Variants in THBS2 observed in about 807,000 individuals in gnomAD.
THBS2 encodes the protein thrombospondin 2.
In THBS2, 47 loss-of-function variants were observed where a neutral mutation model predicts 135.2. The observed-to-expected ratio is 0.35, with a 90% CI of 0.28 to 0.44. The LOEUF is 0.44. Among genes scored for constraint, THBS2 ranks in the 20% least tolerant of loss-of-function variants. The probability of loss-of-function intolerance (pLI) is 1.00; values close to 1 mark genes in which losing one functional copy is unlikely to be tolerated. For synonymous variants in THBS2, 639 were observed against 633.8 expected (o/e 1.01, Z -0.12); for missense variants, 1,288 against 1,603.1 (o/e 0.80, Z 3.36).
chr6:169,247,732 A>G (rs1464944472), intron 3 of THBS2, among the ~76,000 whole-genome samples: 1 of 151,836 alleles, frequency 6.6e-6, no homozygotes, highest in Non-Finnish European at 1.5e-5. Context: ...GCACATGTGC[A>G]TGCATGAGTG....
intron 10 of THBS2, among the ~76,000 whole-genome samples, chr6:169,233,580 C>T (rs1014048657): frequency 6.5e-5 from 9 of 138,918 alleles, no homozygotes; most frequent in African/African-American, 1.9e-4. Flanking sequence ...ACTACCCATG[C>T]GTCACTTTCC....
intron 13 of THBS2, among the ~76,000 whole-genome samples, chr6:169,231,105 G>A (rs982511132): frequency 2.0e-5 from 3 of 152,130 alleles, no homozygotes; most frequent in African/African-American, 7.2e-5. Flanking sequence ...GGCGCCCGGG[G>A]ATGTCACCTG....
chr6:169,231,657 C>T (rs1243030961), intron 13 of THBS2, among the ~76,000 whole-genome samples: 1 of 152,250 alleles, frequency 6.6e-6, no homozygotes, highest in Non-Finnish European at 1.5e-5. Context: ...CTCTGCACAG[C>T]CTGGAGCCGA....
At chr6:169,244,818 T>C (rs945273474) in intron 4 of THBS2, among the ~76,000 whole-genome samples, 2 of 151,892 alleles carry the variant, frequency 1.3e-5, no homozygotes, top group African/African-American at 4.8e-5. Flanking sequence ...ACAGTGAGGG[T>C]CGTGGTGGGG....
chr6:169,246,699 C>G (rs1274030367), intron 3 of THBS2, among the ~76,000 whole-genome samples: 3 of 152,192 alleles, frequency 2.0e-5, no homozygotes, highest in African/African-American at 7.2e-5. Flanking sequence ...CTCAGAGACA[C>G]AGACCCTGGG....
chr6:169,249,049 C>A, intron 2 of THBS2, 76 bp from the exon 3 acceptor site: 1 of 1,390,982 alleles, frequency 7.2e-7, no homozygotes, highest in Non-Finnish European at 9.7e-7. Flanking sequence ...GGTGACAAAC[C>A]AGAACCTCGC....
intron 14 of THBS2, among the ~76,000 whole-genome samples, 161 bp downstream of exon 14, chr6:169,229,411 A>G (rs1047636806): frequency 8.5e-5 from 13 of 152,238 alleles, no homozygotes; most frequent in African/African-American, 2.9e-4. Context: ...CCGCTTTTGC[A>G]AAGGACTGTC....
Position 169,253,831 on chromosome 6 carries a change from T to G in THBS2, c.-130A>C, listed in dbSNP as rs1308300830. 6.6e-6 allele frequency: 1 copy of G among 152,252 alleles called. No homozygotes were observed. The highest frequency in any genetic ancestry group is 2.4e-5 in the African/African-American group (1 of 41,456). The allele number at this position is 152,252 out of a possible 1,614,324, so 9.4% of individuals were successfully genotyped here. A position where few individuals can be genotyped will look rare whatever the true frequency, so the allele number is the denominator to read the frequency against. On this transcript the variant is annotated 5_prime_UTR_variant, in exon 1 of 22. Coordinates refer to ENST00000617924, the MANE Select transcript of THBS2 (RefSeq NM_003247.5). Reference sequence around the variant, plus strand: ...AGACCGGCCCTGCAGTGCAGGATGCTCCGGTGGACGTGGCCGAGCGGCTCC... The same window carrying G: ...AGACCGGCCCTGCAGTGCAGGATGCGCCGGTGGACGTGGCCGAGCGGCTCC...
chr6:169,221,572 C>T, intron 19 of THBS2, 45 bp from the exon 20 acceptor site: 7 of 1,574,784 alleles, frequency 4.4e-6, no homozygotes, highest in Non-Finnish European at 6.1e-6. Flanking sequence ...GCACCCGGAG[C>T]CTTAACCACA....
At chr6:169,219,282 ATG>A in intron 21 of THBS2, among the ~76,000 whole-genome samples, 1 of 120,522 alleles carries the variant, frequency 8.3e-6, no homozygotes, top group African/African-American at 3.2e-5. Context: ...GGATGGATGG[ATG>A]AGATAGTTGG....
At chr6:169,233,082 C>G in intron 10 of THBS2, 65 bp from the exon 11 acceptor site, 1 of 1,439,496 alleles carries the variant, frequency 6.9e-7, no homozygotes, top group Non-Finnish European at 9.1e-7. Flanking sequence ...GAAGCCCGCC[C>G]TGTGGGCCGT....
At position 169,233,610 on chromosome 6, in the gene THBS2, G is replaced by A. The variant is rs575481012; in HGVS notation, c.1652-593C>T. 6.0e-5 allele frequency among the ~76,000 whole-genome samples: 8 copies of A among 132,386 alleles called. No individual in the cohort carries two copies. The East Asian group carries it at 1.1e-3, about 18-fold the overall frequency. 86.9% of individuals were successfully genotyped at this position (132,386 alleles called of 152,430 possible). A position where few individuals can be genotyped will look rare whatever the true frequency, so the allele number is the denominator to read the frequency against. ...CTTTCCACACCACACAAATACCTAC[G>A]TGCCATGTTCCAGACCACACAGCTG... On this transcript the variant is annotated intron_variant, in intron 10 of 21. Transcript: ENST00000617924.
rs1032297854 is a variant in THBS2 at position 169,237,687 on chromosome 6, TTGC to T, written c.1235_1237del (p.Ser412del). 1 of 1,612,834 alleles carries T rather than the reference TTGC, an allele frequency of 6.2e-7. No individual in the cohort carries two copies. Among genetic ancestry groups the T allele is most frequent in the African/African-American group, 1.3e-5 (1 of 74,898 alleles). The stretch of plus-strand genomic sequence containing the variant: ...CTGGATGGAGGGCCCCAAGCAGGTG[TTGC>T]TGGTGACGTCACAGGACCGGCCTCT... On this transcript the variant is annotated inframe_deletion, in exon 8 of 22. Transcript: ENST00000617924.
chr6:169,223,457 A>T lies in THBS2; in HGVS notation c.2792T>A (p.Ile931Asn), dbSNP rs114156352. ...EDLDGDGRGDICKDDFDNDNI... is the reference protein window; with the variant it reads ...EDLDGDGRGDNCKDDFDNDNI... ...GTCATTGTCAAAATCATCTTTACAA[A>T]TATCACCCCGTCCATCACCTATGCA... The change falls in exon 18 of 22, where the codon ATT (isoleucine) becomes AAT (asparagine). Residue 931 changes from isoleucine (I) to asparagine (N), a missense_variant. Physicochemically the swap from Ile to Asn is moderately radical, Grantham distance 149. Transcript: ENST00000617924. 147 of 1,614,090 alleles carry T rather than the reference A, an allele frequency of 9.1e-5. No homozygotes were observed. In the African/African-American group the frequency reaches 1.7e-3, roughly 19 times the overall value.
chr6:169,232,845 G>A, intron 11 of THBS2, 29 bp from the exon 12 acceptor site: 1 of 1,607,480 alleles, frequency 6.2e-7, no homozygotes. Context: ...ATGAGAGGCC[G>A]CTCCCGACCT....
In THBS2 at chr6:169,248,391, G is replaced by A. The variant is rs180848444; in HGVS notation, c.609+26C>T. Reference sequence around the variant, plus strand: ...CCAGCTAAGCTCTTTCCTCCCTCACGGCGGCCACCTCCCTGCAGAGCGTAC... The same window carrying A: ...CCAGCTAAGCTCTTTCCTCCCTCACAGCGGCCACCTCCCTGCAGAGCGTAC... On this transcript the variant is annotated intron_variant, in intron 3 of 21. Transcript: ENST00000617924. 6.3e-4 allele frequency: 985 copies of A among 1,575,098 alleles called. 3 individuals are homozygous for A. In the African/African-American group the frequency reaches 0.011, roughly 18 times the overall value.
chr6:169,246,353 A>G (rs1780556683), intron 3 of THBS2, 72 bp from the exon 4 acceptor site: 1 of 1,243,756 alleles, frequency 8.0e-7, no homozygotes. Flanking sequence ...GCTAACTGAC[A>G]TTCTAAAAAT....
intron 21 of THBS2, 73 bp from the exon 22 acceptor site, chr6:169,217,902 C>A: frequency 1.4e-6 from 2 of 1,402,572 alleles, no homozygotes; most frequent in Admixed American, 2.1e-5. Flanking sequence ...TTTTGTTTTA[C>A]CTAGAACCAG....
chr6:169,239,901 G>A (rs990648765), intron 6 of THBS2, among the ~76,000 whole-genome samples: 2 of 152,132 alleles, frequency 1.3e-5, no homozygotes, highest in Non-Finnish European at 2.9e-5. Flanking sequence ...ATGGCTCTTT[G>A]CATCCATTCC....
Sources: gnomAD v4.1 joint callset for allele counts (sites outside exome capture counted in the v4.1 genomes callset) on GRCh38, gnomAD v4.1.1 for gene constraint, MANE v1.5 for transcripts, NCBI Gene and HGNC (gene_info 2026-07-23, HGNC 2026-07-21) for gene names.